CNTN4: variants seen among roughly 807,000 people sequenced by gnomAD.
CNTN4 encodes the protein contactin-4.
In CNTN4, 77 loss-of-function variants were observed where a neutral mutation model predicts 122.5. That is an observed-to-expected ratio of 0.63 (90% CI 0.52 to 0.76). The LOEUF (loss-of-function observed/expected upper bound fraction) is 0.76. CNTN4 is among the 30% of genes least tolerant of loss of function. The pLI is 0.00. For synonymous variants in CNTN4, 512 were observed against 447.0 expected, an observed-to-expected ratio of 1.15 and a Z score of -1.83; for missense variants, 1,256 against 1,259.1, an observed-to-expected ratio of 1.00 and a Z score of 0.04.
intron 13 of CNTN4, among the ~76,000 whole-genome samples, chr3:2,981,376 G>A (rs1165523545): frequency 6.6e-6 from 1 of 151,740 alleles, no homozygotes; most frequent in Non-Finnish European, 1.5e-5. Flanking sequence ...CCCAGGAGTT[G>A]GAGCTTGCAG....
intron 4 of CNTN4, among the ~76,000 whole-genome samples, chr3:2,652,941 A>G (rs769486246): frequency 2.0e-5 from 3 of 152,032 alleles, no homozygotes; most frequent in Non-Finnish European, 2.9e-5. Context: ...TTGAAGTTAG[A>G]TTTCATTTTT....
chr3:2,765,509 C>G (rs747049036), intron 6 of CNTN4, among the ~76,000 whole-genome samples: 2 of 152,082 alleles, frequency 1.3e-5, no homozygotes, highest in African/African-American at 2.4e-5. Context: ...ATTTGTTTTC[C>G]TGGGATTAGA....
intron 3 of CNTN4, among the ~76,000 whole-genome samples, chr3:2,534,512 A>G (rs2077722457): frequency 6.6e-6 from 1 of 152,084 alleles, no homozygotes; most frequent in African/African-American, 2.4e-5. Flanking sequence ...ATCCAGCTGC[A>G]GTGTGGGTGC....
intron 14 of CNTN4, among the ~76,000 whole-genome samples, chr3:2,999,963 C>A (rs1031310780): frequency 4.6e-5 from 7 of 152,096 alleles, no homozygotes; most frequent in African/African-American, 1.7e-4. Flanking sequence ...TCACATGAAT[C>A]ATTAGGGAAT....
intron 4 of CNTN4, among the ~76,000 whole-genome samples, chr3:2,668,936 G>C (rs2084334602): frequency 6.6e-6 from 1 of 152,210 alleles, no homozygotes; most frequent in African/African-American, 2.4e-5. Context: ...TCATAGGGAT[G>C]AAGCCCACTT....
chr3:2,963,362 C>T (rs2094881000), intron 13 of CNTN4, among the ~76,000 whole-genome samples: 1 of 152,050 alleles, frequency 6.6e-6, no homozygotes, highest in Admixed American at 6.6e-5. Context: ...GATATAATTT[C>T]ACATTTATGA....
At chr3:2,109,621 A>G (rs771571850) in intron 2 of CNTN4, among the ~76,000 whole-genome samples, 1 of 152,202 alleles carries the variant, frequency 6.6e-6, no homozygotes, top group Non-Finnish European at 1.5e-5. Flanking sequence ...CAAGAAGACA[A>G]TCAAACAAAA....
Position 2,191,667 on chromosome 3 carries a change from G to A in CNTN4, c.-145+91028G>A, listed in dbSNP as rs373526907. Among the ~76,000 whole-genome samples the A allele has an allele frequency of 2.6e-5, 4 of 151,640 alleles. No individual in the cohort carries two copies. The East Asian group carries it at 5.9e-4, about 22-fold the overall frequency. On this transcript the variant is annotated intron_variant, in intron 2 of 24. Coordinates refer to ENST00000418658, the MANE Select transcript of CNTN4 (RefSeq NM_175607.3). Reference sequence around the variant, plus strand: ...CCTACAACTGAACTGGAAAGTGAGTGAGGTTATCTATTTAACAAAATTCTA... The same window carrying A: ...CCTACAACTGAACTGGAAAGTGAGTAAGGTTATCTATTTAACAAAATTCTA...
At chr3:2,193,988 C>G (rs1299542760) in intron 2 of CNTN4, among the ~76,000 whole-genome samples, 2 of 152,102 alleles carry the variant, frequency 1.3e-5, no homozygotes, top group African/African-American at 4.8e-5. Context: ...ATACATTTCT[C>G]AAAACACATC....
chr3:2,534,837 T>TGCTGCTGC (rs1435013675), intron 3 of CNTN4, among the ~76,000 whole-genome samples: 49 of 49,942 alleles, frequency 9.8e-4, no homozygotes, highest in African/African-American at 1.5e-3. Flanking sequence ...GCTGCTGCTG[T>TGCTGCTGC]TGCTGTTATT....
intron 5 of CNTN4, among the ~76,000 whole-genome samples, chr3:2,741,370 G>C (rs987403928): frequency 6.6e-6 from 1 of 152,116 alleles, no homozygotes; most frequent in Non-Finnish European, 1.5e-5. Context: ...GAGGGTGAAT[G>C]GTTCTTTCAT....
At chr3:2,590,132 C>T (rs1479454399) in intron 4 of CNTN4, among the ~76,000 whole-genome samples, 5 of 152,294 alleles carry the variant, frequency 3.3e-5, no homozygotes, top group Admixed American at 1.3e-4. Flanking sequence ...CAACATAATA[C>T]GATTCTGGTT....
chr3:2,373,909 C>G (rs2045724409), intron 3 of CNTN4, among the ~76,000 whole-genome samples: 1 of 152,146 alleles, frequency 6.6e-6, no homozygotes, highest in Admixed American at 6.5e-5. Flanking sequence ...ATTTCACTTA[C>G]AGTTTAAACT....
In CNTN4 at chr3:2,551,499, A is replaced by G. The variant is rs148484083; in HGVS notation, c.-88-19917A>G. On this transcript the variant is annotated intron_variant, in intron 3 of 24. Coordinates refer to ENST00000418658, the MANE Select transcript of CNTN4 (RefSeq NM_175607.3). The stretch of plus-strand genomic sequence containing the variant: ...CAAAGATGCACAAATTTATATGAAC[A>G]CCTAAATTATGTTAGGATGGGAGTG... Among the ~76,000 whole-genome samples, 75 of 152,218 alleles carry G rather than the reference A, an allele frequency of 4.9e-4. 1 individual carries two copies. In the East Asian group the frequency reaches 0.014, roughly 28 times the overall value.
At chr3:2,361,947 A>G (rs1483945064) in intron 3 of CNTN4, among the ~76,000 whole-genome samples, 1 of 152,240 alleles carries the variant, frequency 6.6e-6, no homozygotes, top group Non-Finnish European at 1.5e-5. Context: ...ATTTATGGTC[A>G]GCAGAAACAC....
At chr3:2,641,126 G>A (rs2082878734) in intron 4 of CNTN4, among the ~76,000 whole-genome samples, 1 of 151,984 alleles carries the variant, frequency 6.6e-6, no homozygotes, top group African/African-American at 2.4e-5. Context: ...AACTTCAACT[G>A]TATGTTTTTT....
intron 3 of CNTN4, among the ~76,000 whole-genome samples, chr3:2,425,792 G>A (rs927566426): frequency 2.0e-5 from 3 of 152,220 alleles, no homozygotes; most frequent in African/African-American, 7.2e-5. Flanking sequence ...CAACCCTTGT[G>A]AGTTGGATTC....
chr3:2,678,402 C>T (rs939170340), intron 4 of CNTN4, among the ~76,000 whole-genome samples: 6 of 152,022 alleles, frequency 3.9e-5, no homozygotes, highest in Admixed American at 2.6e-4. Flanking sequence ...TATACATGTT[C>T]GACTTTATCT....
intron 13 of CNTN4, chr3:2,927,318 G>T: frequency 2.2e-6 from 1 of 456,046 alleles, no homozygotes; most frequent in South Asian, 1.5e-5. Flanking sequence ...GGGTTTGGTA[G>T]TGGCTCTGCT....
Sources: allele counts gnomAD v4.1 joint callset (sites outside exome capture counted in the v4.1 genomes callset), GRCh38; gene constraint gnomAD v4.1.1; transcripts MANE v1.5; gene names NCBI Gene and HGNC (gene_info 2026-07-23, HGNC 2026-07-21).